The following GAB2 variants were observed in gnomAD, a reference collection of about 807,000 sequenced individuals.
GAB2 encodes the protein GRB2 associated binding protein 2.
A neutral mutation model predicts 65.5 loss-of-function variants in GAB2; 26 were observed. The ratio of observed to expected loss-of-function variants is 0.40; its 90% confidence interval spans 0.29 to 0.55. The LOEUF (loss-of-function observed/expected upper bound fraction) is 0.55, where lower values mean the gene tolerates loss of function less well. GAB2 is among the 20% of genes least tolerant of loss of function. The pLI is 0.53. For missense variants in GAB2, 884 were observed against 875.8 expected (o/e 1.01, Z -0.12); for synonymous variants, 321 against 329.6 (o/e 0.97, Z 0.28).
At chr11:78,406,996 G>A (rs910117473) in intron 1 of GAB2, among the ~76,000 whole-genome samples, 5 of 152,114 alleles carry the variant, frequency 3.3e-5, no homozygotes, top group Non-Finnish European at 7.4e-5. Flanking sequence ...AGTGAGGACA[G>A]AGAAATAGAA....
intron 1 of GAB2, among the ~76,000 whole-genome samples, chr11:78,374,460 T>G (rs1235499130): frequency 6.6e-6 from 1 of 152,188 alleles, no homozygotes. Context: ...GGGGGGAACC[T>G]GAAGTCCCGG....
intron 1 of GAB2, among the ~76,000 whole-genome samples, chr11:78,284,147 A>G (rs1013704022): frequency 1.3e-5 from 2 of 152,174 alleles, no homozygotes; most frequent in African/African-American, 4.8e-5. Flanking sequence ...TCTATGTATC[A>G]TAGCTGACTC....
At chr11:78,363,783 GCC>G (rs1265081083) in intron 1 of GAB2, among the ~76,000 whole-genome samples, 10 of 151,916 alleles carry the variant, frequency 6.6e-5, no homozygotes, top group African/African-American at 2.4e-4. Flanking sequence ...ATGGGGTTTT[GCC>G]ACGTTGCCTA....
chr11:78,288,382 G>GAAAAAAAAAAAAA (rs369041941), intron 1 of GAB2, among the ~76,000 whole-genome samples: 2 of 119,400 alleles, frequency 1.7e-5, no homozygotes, highest in African/African-American at 3.2e-5. Context: ...CCATCTCAAA[G>GAAAAAAAAAAAAA]AAAAAAAAAA....
chr11:78,280,568 C>G (rs543694170), intron 2 of GAB2, 33 bp downstream of exon 2: 1 of 1,560,498 alleles, frequency 6.4e-7, no homozygotes, highest in East Asian at 2.2e-5. Flanking sequence ...CACCTCAACC[C>G]CCTATGAGAA....
At chr11:78,301,330 G>GTTTTTTTTTTTTTTTTTTTTTTTTTT (rs373415325) in intron 1 of GAB2, among the ~76,000 whole-genome samples, 1 of 145,726 alleles carries the variant, frequency 6.9e-6, no homozygotes. Flanking sequence ...GTATCTTGTG[G>GTTTTTTTTTTTTTTTTTTTTTTTTTT]TTTTTTGTTT....
chr11:78,317,278 G>A lies in GAB2; in HGVS notation c.76-36377C>T, dbSNP rs748243269. Among the ~76,000 whole-genome samples the A allele has an allele frequency of 1.9e-4, 29 of 152,100 alleles. 1 individual carries two copies. The highest frequency in any genetic ancestry group is 3.4e-4 in the Non-Finnish European group (23 of 68,012). On this transcript the variant is annotated intron_variant, in intron 1 of 9. Transcript: ENST00000361507. ...GAACTATACACTTAAAAGTGATTAC[G>A]ATGGGCCGGGCACAGTGGCTCACGC...
chr11:78,256,069 C>G (rs1865587647), intron 2 of GAB2, among the ~76,000 whole-genome samples: 1 of 151,670 alleles, frequency 6.6e-6, no homozygotes, highest in South Asian at 2.1e-4. Context: ...TAGAGGGTTG[C>G]TGAAAGGATT....
At chr11:78,387,828 C>A (rs1856787543) in intron 1 of GAB2, among the ~76,000 whole-genome samples, 1 of 152,182 alleles carries the variant, frequency 6.6e-6, no homozygotes, top group Non-Finnish European at 1.5e-5. Flanking sequence ...CAACCAGGCA[C>A]TAGAGGAAGA....
intron 2 of GAB2, among the ~76,000 whole-genome samples, chr11:78,277,345 G>C (rs1866199732): frequency 1.3e-5 from 2 of 152,136 alleles, no homozygotes; most frequent in Non-Finnish European, 2.9e-5. Flanking sequence ...GACATGAGCA[G>C]GGCAGGAGCC....
At chr11:78,261,092 T>C (rs1475144217) in intron 2 of GAB2, among the ~76,000 whole-genome samples, 1 of 152,118 alleles carries the variant, frequency 6.6e-6, no homozygotes, top group Non-Finnish European at 1.5e-5. Context: ...TGTGTGTATA[T>C]GTATGTCTGA....
chr11:78,270,545 T>G (rs754577056), intron 2 of GAB2, among the ~76,000 whole-genome samples: 8 of 152,154 alleles, frequency 5.3e-5, no homozygotes, highest in Non-Finnish European at 1.0e-4. Flanking sequence ...CTTTCTGGCA[T>G]CATCACTTAG....
chr11:78,222,268 ACATGAG>A, intron 6 of GAB2, 73 bp from the exon 7 acceptor site: 1 of 935,054 alleles, frequency 1.1e-6, no homozygotes, highest in East Asian at 2.4e-5. Context: ...TATATATAAC[ACATGAG>A]CATGTTTATA....
intron 2 of GAB2, among the ~76,000 whole-genome samples, chr11:78,263,331 A>T (rs984227365): frequency 6.6e-6 from 1 of 151,490 alleles, no homozygotes; most frequent in Admixed American, 6.6e-5. Flanking sequence ...CAGCATACAG[A>T]ATTTAAAGAT....
At chr11:78,341,364 A>G (rs1290163020) in intron 1 of GAB2, among the ~76,000 whole-genome samples, 2 of 152,266 alleles carry the variant, frequency 1.3e-5, no homozygotes, top group Non-Finnish European at 2.9e-5. Flanking sequence ...GGGAATAAGT[A>G]TAGAATACTA....
At chr11:78,340,784 A>G (rs1856079930) in intron 1 of GAB2, among the ~76,000 whole-genome samples, 2 of 152,322 alleles carry the variant, frequency 1.3e-5, no homozygotes, top group South Asian at 2.1e-4. Context: ...CTCACAACAG[A>G]TGACCCTAGG....
At chr11:78,263,363 GTCAC>G (rs34691529) in intron 2 of GAB2, among the ~76,000 whole-genome samples, 23,963 of 152,028 alleles carry the variant, frequency 0.16, 2,415 homozygotes, top group East Asian at 0.4. Flanking sequence ...GCCGGGCGCA[GTCAC>G]TCACACCTGT....
chr11:78,253,629 A>T (rs1865518180), intron 2 of GAB2, among the ~76,000 whole-genome samples: 1 of 152,038 alleles, frequency 6.6e-6, no homozygotes, highest in African/African-American at 2.4e-5. Flanking sequence ...TTCTTTCTTC[A>T]ACCTTGTTTC....
At chr11:78,377,910 A>C (rs114430202) in intron 1 of GAB2, among the ~76,000 whole-genome samples, 2,800 of 152,290 alleles carry the variant, frequency 0.018, 79 homozygotes, top group African/African-American at 0.063. Context: ...TTGTTTTACT[A>C]TCCAGCACTG....
Sources: gnomAD v4.1 joint callset for allele counts (sites outside exome capture counted in the v4.1 genomes callset) on GRCh38, gnomAD v4.1.1 for gene constraint, MANE v1.5 for transcripts, NCBI Gene and HGNC (gene_info 2026-07-23, HGNC 2026-07-21) for gene names.